Variants in ABCA12 observed in about 807,000 individuals in gnomAD.
The protein encoded by ABCA12 is glucosylceramide transporter ABCA12.
Under a neutral mutation model 293.5 loss-of-function variants are expected in ABCA12, and 156 were observed. The ratio of observed to expected loss-of-function variants is 0.53; its 90% CI spans 0.47 to 0.61. The LOEUF (loss-of-function observed/expected upper bound fraction) is 0.61. ABCA12 is among the 20% of genes least tolerant of loss of function. The pLI, the probability that ABCA12 is intolerant of heterozygous loss-of-function variation, is 0.00. For missense variants in ABCA12, 2,797 were observed against 3,090.2 expected, an observed-to-expected ratio of 0.91 and a Z score of 2.25; for synonymous variants, 1,063 against 1,108.0, an observed-to-expected ratio of 0.96 and a Z score of 0.81.
intron 3 of ABCA12, among the ~76,000 whole-genome samples, chr2:215,056,592 C>T (rs1411192714): frequency 6.6e-6 from 1 of 152,032 alleles, no homozygotes; most frequent in Non-Finnish European, 1.5e-5. Flanking sequence ...TATTCTCCAG[C>T]TTCATTTTGC....
At chr2:215,126,056 G>A (rs1702914304) in intron 1 of ABCA12, among the ~76,000 whole-genome samples, 1 of 152,134 alleles carries the variant, frequency 6.6e-6, no homozygotes, top group African/African-American at 2.4e-5. Context: ...AGATGATCAT[G>A]TGATTTTTGT....
intron 2 of ABCA12, among the ~76,000 whole-genome samples, chr2:215,081,495 A>AAG (rs139727897): frequency 0.15 from 19,341 of 127,190 alleles, 4,035 homozygotes; most frequent in East Asian, 0.42. Context: ...AAAAAAAAGA[A>AAG]AAAGAAAAAA....
chr2:214,967,921 C>T lies in ABCA12; in HGVS notation c.5778+799G>A, dbSNP rs182287783. On this transcript the variant is annotated intron_variant, in intron 38 of 52. Coordinates refer to ENST00000272895, the MANE Select transcript of ABCA12 (RefSeq NM_173076.3). The stretch of plus-strand genomic sequence containing the variant: ...CCCTATGACTACCATTGATCACATA[C>T]GTAAGAATATGCATCTGATCCCGTG... Among the ~76,000 whole-genome samples the T allele has an allele frequency of 7.2e-5, 11 of 152,142 alleles. 1 individual carries two copies. The highest frequency in any genetic ancestry group is 2.1e-4 in the South Asian group (1 of 4,822).
chr2:215,091,798 C>T (rs886171993), intron 2 of ABCA12, among the ~76,000 whole-genome samples: 9 of 152,240 alleles, frequency 5.9e-5, no homozygotes, highest in African/African-American at 2.2e-4. Flanking sequence ...CACACAAGAA[C>T]TTCAAAATGC....
intron 28 of ABCA12, among the ~76,000 whole-genome samples, chr2:214,985,370 C>T (rs1699762595): frequency 6.6e-6 from 1 of 152,054 alleles, no homozygotes; most frequent in South Asian, 2.1e-4. Context: ...TACACGGACA[C>T]AGAGAAGGTA....
intron 22 of ABCA12, among the ~76,000 whole-genome samples, chr2:214,998,756 C>T (rs1415717399): frequency 2.6e-5 from 4 of 152,108 alleles, no homozygotes; most frequent in Admixed American, 2.6e-4. Context: ...AAACAACTTC[C>T]CAGGTGATAC....
At chr2:215,123,729 A>G (rs1482988053) in intron 1 of ABCA12, among the ~76,000 whole-genome samples, 1 of 151,474 alleles carries the variant, frequency 6.6e-6, no homozygotes, top group Non-Finnish European at 1.5e-5. Flanking sequence ...ATCCACACCA[A>G]CATCTGTTAT....
intron 22 of ABCA12, among the ~76,000 whole-genome samples, chr2:214,998,299 T>C (rs138796693): frequency 1.6e-3 from 240 of 152,306 alleles, no homozygotes; most frequent in African/African-American, 5.5e-3. Context: ...AAATAAAATC[T>C]AAAGCATTCA....
intron 22 of ABCA12, among the ~76,000 whole-genome samples, chr2:214,998,315 TTTTG>T (rs1401262455): frequency 2.6e-5 from 4 of 152,136 alleles, no homozygotes; most frequent in South Asian, 2.1e-4. Context: ...ATTCATTTGT[TTTTG>T]TTTGTTTGTT....
At position 215,081,050 on chromosome 2, in the gene ABCA12, T is replaced by G. The variant is rs1023194144; in HGVS notation, c.164-16831A>C. On this transcript the variant is annotated intron_variant, in intron 2 of 52. Coordinates refer to ENST00000272895, the MANE Select transcript of ABCA12 (RefSeq NM_173076.3). ...GCTTCCTATATTAATAGTTTTATGA[T>G]GCCAGTTTCTGGCCAGGAAAGAGAG... Among the ~76,000 whole-genome samples the G allele has an allele frequency of 6.9e-4, 105 of 152,328 alleles. 1 individual carries two copies. Among genetic ancestry groups the G allele is most frequent in the African/African-American group, 2.5e-3 (103 of 41,572 alleles).
intron 2 of ABCA12, among the ~76,000 whole-genome samples, chr2:215,077,673 T>G (rs140701674): frequency 6.6e-6 from 1 of 152,332 alleles, no homozygotes; most frequent in Admixed American, 6.5e-5. Context: ...CTTCAAACTT[T>G]TGGTTGTTGG....
intron 11 of ABCA12, chr2:215,023,793 A>G (rs1322627711): frequency 6.6e-6 from 1 of 152,246 alleles, no homozygotes; most frequent in Non-Finnish European, 1.5e-5. Flanking sequence ...GCAACAAATT[A>G]TAATGCCAAG....
At chr2:214,999,842 CT>C (rs1208026282) in intron 22 of ABCA12, 1 of 984,280 alleles carries the variant, frequency 1.0e-6, no homozygotes, top group East Asian at 1.1e-4. Context: ...TCATTTATAA[CT>C]CTTGAAGTAG....
intron 2 of ABCA12, among the ~76,000 whole-genome samples, chr2:215,083,220 T>A (rs1043016163): frequency 2.0e-5 from 3 of 152,198 alleles, no homozygotes; most frequent in East Asian, 1.9e-4. Flanking sequence ...ACCTGACATA[T>A]CTATAGAAAT....
chr2:215,072,595 T>A (rs1701758678), intron 2 of ABCA12, among the ~76,000 whole-genome samples: 1 of 152,176 alleles, frequency 6.6e-6, no homozygotes, highest in African/African-American at 2.4e-5. Flanking sequence ...CTTTTCTGAA[T>A]GTTAAGGAGA....
At chr2:215,033,203 A>G (rs1202592532) in intron 8 of ABCA12, among the ~76,000 whole-genome samples, 1 of 152,246 alleles carries the variant, frequency 6.6e-6, no homozygotes, top group African/African-American at 2.4e-5. Flanking sequence ...CCCAGAATAA[A>G]CAAACCTAAT....
intron 33 of ABCA12, among the ~76,000 whole-genome samples, 167 bp downstream of exon 33, chr2:214,978,149 T>C (rs1051883145): frequency 6.6e-6 from 1 of 152,220 alleles, no homozygotes; most frequent in African/African-American, 2.4e-5. Context: ...CGATTTGGTT[T>C]AATGAATATT....
At chr2:215,005,717 A>G (rs376997968) in intron 19 of ABCA12, among the ~76,000 whole-genome samples, 1 of 152,202 alleles carries the variant, frequency 6.6e-6, no homozygotes, top group African/African-American at 2.4e-5. Context: ...AATCAATCAT[A>G]TGACATCTAA....
chr2:214,993,145 T>C (rs1293278369), intron 23 of ABCA12, among the ~76,000 whole-genome samples: 2 of 152,252 alleles, frequency 1.3e-5, no homozygotes, highest in Non-Finnish European at 2.9e-5. Flanking sequence ...CTGTGGGCTT[T>C]AAACTAATCA....
Sources: gnomAD v4.1 joint callset for allele counts (sites outside exome capture counted in the v4.1 genomes callset) on GRCh38, gnomAD v4.1.1 for gene constraint, MANE v1.5 for transcripts, NCBI Gene and HGNC (gene_info 2026-07-23, HGNC 2026-07-21) for gene names.